The following DOCK1 variants were observed in gnomAD, a reference collection of about 807,000 sequenced individuals.
DOCK1 encodes the protein dedicator of cytokinesis 1, also known as dedicator of cytokinesis protein 1.
DOCK1 carries 138 observed loss-of-function variants against 262.7 expected under a neutral mutation model. The ratio of observed to expected loss-of-function variants is 0.53; its 90% confidence interval spans 0.46 to 0.61. DOCK1 has a LOEUF of 0.61. DOCK1 is among the 20% of genes least tolerant of loss of function. The probability of loss-of-function intolerance (pLI) is 0.00; values close to 1 mark genes in which losing one functional copy is unlikely to be tolerated. For missense variants in DOCK1, 1,908 were observed against 2,370.7 expected, an observed-to-expected ratio of 0.80 and a Z score of 4.05; for synonymous variants, 866 against 867.4, an observed-to-expected ratio of 1.00 and a Z score of 0.03.
chr10:127,221,934 A>G (rs1309425419), intron 27 of DOCK1, among the ~76,000 whole-genome samples: 1 of 152,166 alleles, frequency 6.6e-6, no homozygotes, highest in African/African-American at 2.4e-5. Context: ...GATGCTCAAG[A>G]TTTTCTGTTC....
intron 29 of DOCK1, among the ~76,000 whole-genome samples, chr10:127,279,388 A>G (rs2060861269): frequency 6.6e-6 from 1 of 152,224 alleles, no homozygotes. Flanking sequence ...CTGATTTAGT[A>G]TCTCACACAA....
intron 10 of DOCK1, 126 bp from the exon 11 acceptor site, chr10:127,008,606 C>T: frequency 2.5e-6 from 2 of 816,216 alleles, no homozygotes; most frequent in South Asian, 1.5e-5. Flanking sequence ...ATAATTTAGA[C>T]TTGACTATGA....
intron 1 of DOCK1, among the ~76,000 whole-genome samples, chr10:126,926,270 A>G (rs968075276): frequency 2.7e-5 from 4 of 150,922 alleles, no homozygotes; most frequent in African/African-American, 9.7e-5. Context: ...TTTTTTTTAA[A>G]TACTAGAGAG....
chr10:126,947,970 G>C (rs918451112), intron 1 of DOCK1, among the ~76,000 whole-genome samples: 3 of 149,192 alleles, frequency 2.0e-5, no homozygotes, highest in African/African-American at 2.5e-5. Flanking sequence ...TAGTATTACT[G>C]TTGGTGGTGG....
At chr10:127,433,461 C>G (rs1305349587) in intron 48 of DOCK1, 33 bp downstream of exon 48, 2 of 1,609,654 alleles carry the variant, frequency 1.2e-6, no homozygotes, top group African/African-American at 1.3e-5. Flanking sequence ...CTGAGCTGAG[C>G]AGTGAGGGCT....
At chr10:127,347,481 G>A (rs1395018753) in intron 31 of DOCK1, among the ~76,000 whole-genome samples, 5 of 152,202 alleles carry the variant, frequency 3.3e-5, no homozygotes, top group Non-Finnish European at 5.9e-5. Context: ...TGAGAGGTTT[G>A]CCACGGGACA....
At chr10:127,353,027 T>C (rs1049904171) in intron 31 of DOCK1, among the ~76,000 whole-genome samples, 1 of 152,150 alleles carries the variant, frequency 6.6e-6, no homozygotes, top group African/African-American at 2.4e-5. Context: ...TCACCTCTGC[T>C]GGGGGACATG....
At chr10:126,991,614 C>A (rs112885732) in intron 6 of DOCK1, among the ~76,000 whole-genome samples, 1 of 152,122 alleles carries the variant, frequency 6.6e-6, no homozygotes, top group Non-Finnish European at 1.5e-5. Flanking sequence ...ATTGCAATCC[C>A]CGTCTCCTGG....
At chr10:127,036,012 A>AAATAAATAAAT (rs1353940503) in intron 18 of DOCK1, among the ~76,000 whole-genome samples, 23 of 128,398 alleles carry the variant, frequency 1.8e-4, no homozygotes, top group South Asian at 1.2e-3. Flanking sequence ...AAAAATAAAT[A>AAATAAATAAAT]AATAAATAAA....
Position 127,018,745 on chromosome 10 carries a change from A to G in DOCK1, c.1237A>G (p.Ile413Val), listed in dbSNP as rs753590775. The G allele has an allele frequency of 6.2e-7, 1 of 1,614,046 alleles. No individual in the cohort carries two copies. The highest frequency in any genetic ancestry group is 8.5e-7 in the Non-Finnish European group (1 of 1,179,906). Residue 413 changes from isoleucine to valine, a missense_variant, in exon 13 of 52, where the codon ATC (isoleucine) becomes GTC (valine). Physicochemically the swap from Ile to Val is conservative, Grantham distance 29 (BLOSUM62 3). Transcript: ENST00000623213. ...WVTLKLLPGDIHQIRKEFPHL... is the reference protein window; with the variant it reads ...WVTLKLLPGDVHQIRKEFPHL... ...AACATTGAAATTACTTCCTGGAGAT[A>G]TCCATCAGATCCGAAAAGAGTTTCC...
chr10:127,206,795 C>G (rs903242169), intron 27 of DOCK1, among the ~76,000 whole-genome samples: 1 of 152,186 alleles, frequency 6.6e-6, no homozygotes, highest in Non-Finnish European at 1.5e-5. Flanking sequence ...AAATCAAGAG[C>G]TGGTCTTACG....
intron 14 of DOCK1, among the ~76,000 whole-genome samples, chr10:127,024,411 A>AAAGTT (rs2042678067): frequency 6.6e-6 from 1 of 152,116 alleles, no homozygotes; most frequent in Non-Finnish European, 1.5e-5. Context: ...TCCTAATGTT[A>AAAGTT]AAGTTATTAG....
chr10:126,997,513 C>T (rs1002440422), intron 7 of DOCK1, among the ~76,000 whole-genome samples: 15 of 151,986 alleles, frequency 9.9e-5, no homozygotes, highest in Non-Finnish European at 1.6e-4. Flanking sequence ...GGGTGCTACA[C>T]GCTACACTTT....
intron 23 of DOCK1, among the ~76,000 whole-genome samples, chr10:127,094,832 T>A (rs182411026): frequency 4.0e-4 from 61 of 152,338 alleles, no homozygotes; most frequent in African/African-American, 1.4e-3. Context: ...TTTTCCTGTC[T>A]GTCGACTTCT....
intron 29 of DOCK1, among the ~76,000 whole-genome samples, chr10:127,317,601 T>C (rs2062340467): frequency 6.6e-6 from 1 of 152,124 alleles, no homozygotes; most frequent in Non-Finnish European, 1.5e-5. Flanking sequence ...ATTCACCCAT[T>C]GATAATACTG....
At chr10:126,999,500 C>T in intron 9 of DOCK1, 65 bp downstream of exon 9, 2 of 1,393,878 alleles carry the variant, frequency 1.4e-6, no homozygotes, top group Non-Finnish European at 2.0e-6. Flanking sequence ...TTAGCCATTT[C>T]TGTCTGCCTT....
At chr10:126,922,432 C>T (rs1397333201) in intron 1 of DOCK1, among the ~76,000 whole-genome samples, 1 of 151,998 alleles carries the variant, frequency 6.6e-6, no homozygotes, top group African/African-American at 2.4e-5. Flanking sequence ...ACACACTGGT[C>T]TAGAGTCTTA....
At chr10:126,929,005 T>A (rs1451185518) in intron 1 of DOCK1, among the ~76,000 whole-genome samples, 1 of 152,212 alleles carries the variant, frequency 6.6e-6, no homozygotes, top group Admixed American at 6.5e-5. Context: ...CATGTCTCAT[T>A]TGACGAGGGC....
chr10:127,188,685 C>T (rs2056494444), intron 27 of DOCK1, among the ~76,000 whole-genome samples: 1 of 152,210 alleles, frequency 6.6e-6, no homozygotes, highest in Non-Finnish European at 1.5e-5. Flanking sequence ...TTCCCCTCCA[C>T]TTAATAGCCC....
Sources: gnomAD v4.1 joint callset for allele counts (sites outside exome capture counted in the v4.1 genomes callset) on GRCh38, gnomAD v4.1.1 for gene constraint, MANE v1.5 for transcripts, NCBI Gene and HGNC (gene_info 2026-07-23, HGNC 2026-07-21) for gene names.